NAPG: variants seen among roughly 807,000 people sequenced by gnomAD.
NAPG encodes the protein NSF attachment protein gamma.
In NAPG, 25 loss-of-function variants were observed where a neutral mutation model predicts 48.4. The ratio of observed to expected loss-of-function variants is 0.52; its 90% CI spans 0.38 to 0.72. The LOEUF (loss-of-function observed/expected upper bound fraction) is 0.72, where lower values mean the gene tolerates loss of function less well. Among genes scored for constraint, NAPG ranks in the 30% least tolerant of loss-of-function variants. The pLI, the probability that NAPG is intolerant of heterozygous loss-of-function variation, is 0.00. For missense variants in NAPG, 359 were observed against 372.5 expected, an observed-to-expected ratio of 0.96 and a Z score of 0.30; for synonymous variants, 139 against 127.2, an observed-to-expected ratio of 1.09 and a Z score of -0.62.
At position 10,526,099 on chromosome 18, in the gene NAPG, G is replaced by A. The variant is rs2031801173; in HGVS notation, c.-4G>A. ...CTCTCCACGTCAGAGACCTGACTGT[G>A]GAGATGGCGGCTCAGAAGATAAACG... On this transcript the variant is annotated 5_prime_UTR_variant, in exon 1 of 12. Coordinates refer to ENST00000322897, the MANE Select transcript of NAPG (RefSeq NM_003826.3). 3.7e-6 allele frequency: 6 copies of A among 1,613,638 alleles called. No homozygotes were observed. Among genetic ancestry groups the A allele is most frequent in the Non-Finnish European group, 5.1e-6 (6 of 1,179,636 alleles).
intron 3 of NAPG, chr18:10,533,100 G>A (rs915624792): frequency 1.3e-5 from 4 of 303,648 alleles, no homozygotes; most frequent in African/African-American, 8.7e-5. Context: ...TGAAGAAGTA[G>A]CACAGGTATT....
chr18:10,537,391 GAA>G (rs1370932453), intron 5 of NAPG, among the ~76,000 whole-genome samples: 1 of 152,208 alleles, frequency 6.6e-6, no homozygotes, highest in Non-Finnish European at 1.5e-5. Context: ...GTAAGGAAGA[GAA>G]AATATATTTA....
intron 2 of NAPG, among the ~76,000 whole-genome samples, chr18:10,532,424 G>A (rs1344607481): frequency 6.6e-6 from 1 of 152,144 alleles, no homozygotes; most frequent in Non-Finnish European, 1.5e-5. Context: ...ATTGGGGAGT[G>A]TTGGTGTTAG....
At position 10,546,032 on chromosome 18, in the gene NAPG, G is replaced by A. The variant is rs1444093202; in HGVS notation, c.507-294G>A. On this transcript the variant is annotated intron_variant, in intron 8 of 11. Transcript: ENST00000322897. This position sits in a 1 kb window ranked among gnomAD's most constrained non-coding sequence, Gnocchi z 4.0. ...CTCAAGTACGTATCACGAAGAAGTC[G>A]TGACACTCGCTATTGGACAGTCCTT... Among the ~76,000 whole-genome samples, 2 of 152,184 alleles carry A rather than the reference G, an allele frequency of 1.3e-5. No individual in the cohort carries two copies. The highest frequency in any genetic ancestry group is 4.1e-4 in the South Asian group (2 of 4,826).
intron 11 of NAPG, among the ~76,000 whole-genome samples, chr18:10,549,540 AT>A (rs1256132579): frequency 1.3e-5 from 2 of 152,224 alleles, no homozygotes; most frequent in Admixed American, 1.3e-4. Flanking sequence ...CAGTTAATTC[AT>A]TTGTAAAAAT....
At chr18:10,533,422 C>T in intron 3 of NAPG, 114 bp from the exon 4 acceptor site, 1 of 855,000 alleles carries the variant, frequency 1.2e-6, no homozygotes. Context: ...TAGGATTTGT[C>T]TTTTGGAACC....
chr18:10,546,244 T>C lies in NAPG; in HGVS notation c.507-82T>C. 1.2e-6 allele frequency: 1 copy of C among 826,600 alleles called. No homozygotes were observed. Among genetic ancestry groups the C allele is most frequent in the Non-Finnish European group, 1.8e-6 (1 of 545,084 alleles). 51.2% of individuals were successfully genotyped at this position (826,600 alleles called of 1,614,324 possible). ...GTCCTCCTGGTGTCTCTACAATCTA[T>C]GATGTCAAGTACATTTCACAGGGGA... On this transcript the variant is annotated intron_variant, in intron 8 of 11. Transcript: ENST00000322897. The surrounding 1 kb of genome is among the most constrained non-coding windows in gnomAD (Gnocchi z 4.0).
Position 10,530,838 on chromosome 18 carries a change from G to T in NAPG, c.124+1G>T. 6.4e-7 allele frequency: 1 copy of T among 1,573,860 alleles called. No homozygotes were observed. ...GCCGCTTCTGAATATGGAAAAGCAGGTATTTTTGACTATAGTCCAGTTGCT... is the reference window on the plus strand; with the variant it reads ...GCCGCTTCTGAATATGGAAAAGCAGTTATTTTTGACTATAGTCCAGTTGCT... On this transcript the variant is annotated splice_donor_variant, in intron 2 of 11. Transcript: ENST00000322897. LOFTEE classifies it high-confidence loss of function.
intron 9 of NAPG, among the ~76,000 whole-genome samples, chr18:10,547,180 A>G (rs1408861964): frequency 4.6e-5 from 7 of 152,242 alleles, no homozygotes; most frequent in African/African-American, 9.6e-5. Flanking sequence ...GGGCTTATGC[A>G]TGGAACAGGC....
intron 5 of NAPG, among the ~76,000 whole-genome samples, chr18:10,536,968 T>G (rs1228008108): frequency 8.6e-5 from 13 of 151,840 alleles, no homozygotes; most frequent in Non-Finnish European, 1.3e-4. Context: ...TTTTGTTTTT[T>G]TTTTTTGAGA....
chr18:10,527,223 A>G (rs186005585), intron 1 of NAPG, among the ~76,000 whole-genome samples: 2 of 151,570 alleles, frequency 1.3e-5, no homozygotes, highest in Non-Finnish European at 2.9e-5. Flanking sequence ...AAAAGTCAGC[A>G]TTGTGCTCTG....
In NAPG at chr18:10,532,756, C is replaced by G; in HGVS notation, c.170C>G (p.Ala57Gly). ...AAACAGTTTGAGCAAGCAAAAGATG[C>G]CTGCCTGAGGGAAGCTGTTGCCCAT... ...NAKQFEQAKD[A>G]CLREAVAHEN... Residue 57 changes from alanine (A) to glycine (G), a missense_variant, in exon 3 of 12, where the codon GCC becomes GGC. Ala to Gly is a moderately conservative substitution (Grantham distance 60). Transcript: ENST00000322897. The G allele has an allele frequency of 6.3e-7, 1 of 1,592,260 alleles. No homozygotes were observed. The highest frequency in any genetic ancestry group is 1.1e-5 in the South Asian group (1 of 87,326).
In NAPG at chr18:10,543,931, CTT is replaced by C. The variant is rs1294252095; in HGVS notation, c.507-2392_507-2391del. Among the ~76,000 whole-genome samples, 1 of 152,016 alleles carries C rather than the reference CTT, an allele frequency of 6.6e-6. No homozygotes were observed. Among genetic ancestry groups the C allele is most frequent in the Middle Eastern group, 3.2e-3 (1 of 316 alleles). ...TACAAACTCATGTAAGGGCTTGGCT[CTT>C]TTGTTAGGTAACTATATATTAGCAC... is the stretch of plus-strand genomic sequence containing the variant. On this transcript the variant is annotated intron_variant, in intron 8 of 11. Transcript: ENST00000322897. This position sits in a 1 kb window ranked among gnomAD's most constrained non-coding sequence, Gnocchi z 4.4.
intron 5 of NAPG, among the ~76,000 whole-genome samples, chr18:10,537,666 C>T (rs538640614): frequency 9.9e-5 from 15 of 152,258 alleles, no homozygotes; most frequent in African/African-American, 3.6e-4. Context: ...TTAGGTTTAC[C>T]TCCCCTGTTC....
At chr18:10,540,622 CTG>C (rs2032135981) in intron 8 of NAPG, 1 of 399,730 alleles carries the variant, frequency 2.5e-6, no homozygotes, top group Non-Finnish European at 4.4e-6. Context: ...TTATCATGCA[CTG>C]TGCTTTTATT....
intron 4 of NAPG, 140 bp downstream of exon 4, chr18:10,533,693 A>T: frequency 1.4e-6 from 1 of 691,652 alleles, no homozygotes; most frequent in Non-Finnish European, 2.3e-6. Context: ...TTCAGTTTTT[A>T]CCTAAACCTT....
Position 10,540,375 on chromosome 18 carries a change from CCA to C in NAPG, c.483_484del (p.Arg162ThrfsTer7). ...GCAGTTGAATTACTAGGAAAAGCCTCCAGACTACTAGTACGAGGACGTAGGTA... is the reference window on the plus strand; with the variant it reads ...GCAGTTGAATTACTAGGAAAAGCCTCGACTACTAGTACGAGGACGTAGGTA... On this transcript the variant is annotated frameshift_variant, in exon 8 of 12. Coordinates refer to ENST00000322897, the MANE Select transcript of NAPG (RefSeq NM_003826.3). LOFTEE classifies it high-confidence loss of function. 1 of 1,613,556 alleles carries C rather than the reference CCA, an allele frequency of 6.2e-7. No homozygotes were observed. Among genetic ancestry groups the C allele is most frequent in the South Asian group, 1.1e-5 (1 of 91,070 alleles).
At position 10,543,965 on chromosome 18, in the gene NAPG, A is replaced by G. The variant is rs995431317; in HGVS notation, c.507-2361A>G. ...GGTAACTATATATTAGCACATAGAA[A>G]TGCTAATATTATGTCAAGGAAATAA... On this transcript the variant is annotated intron_variant, in intron 8 of 11. Coordinates refer to ENST00000322897, the MANE Select transcript of NAPG (RefSeq NM_003826.3). The surrounding 1 kb of genome is among the most constrained non-coding windows in gnomAD (Gnocchi z 4.4). Among the ~76,000 whole-genome samples, 3 of 152,232 alleles carry G rather than the reference A, an allele frequency of 2.0e-5. No homozygotes were observed. Among genetic ancestry groups the G allele is most frequent in the African/African-American group, 7.2e-5 (3 of 41,458 alleles).
chr18:10,551,125 T>C lies in NAPG; in HGVS notation c.*905T>C, dbSNP rs1223674195. On this transcript the variant is annotated 3_prime_UTR_variant, in exon 12 of 12. Transcript: ENST00000322897. ...TTTTTTTTTATTTTTTTTGTTGAGA[T>C]GGAGTTGCTCCATGTTGCACAGGCT... The C allele has an allele frequency of 6.6e-6, 1 of 151,916 alleles. No homozygotes were observed. The highest frequency in any genetic ancestry group is 1.5e-5 in the Non-Finnish European group (1 of 67,986). 9.4% of individuals were successfully genotyped at this position (151,916 alleles called of 1,614,324 possible). A position where few individuals can be genotyped will look rare whatever the true frequency, so the allele number is the denominator to read the frequency against.
Sources: allele counts gnomAD v4.1 joint callset (sites outside exome capture counted in the v4.1 genomes callset), GRCh38; gene constraint gnomAD v4.1.1; non-coding constraint Gnocchi (gnomAD v3.1); transcripts MANE v1.5; gene names NCBI Gene and HGNC (gene_info 2026-07-23, HGNC 2026-07-21).